The following ASPRV1 variants were observed in gnomAD, a reference collection of about 807,000 sequenced individuals.
ASPRV1 encodes the protein retroviral-like aspartic protease 1.
A neutral mutation model predicts 11.0 loss-of-function variants in ASPRV1; 7 were observed. The observed-to-expected ratio is 0.64, with a 90% CI of 0.36 to 1.20. The LOEUF is 1.20. ASPRV1 is among the 50% of genes most tolerant of loss of function. The pLI is 0.02. For synonymous variants in ASPRV1, 136 were observed against 138.4 expected, an observed-to-expected ratio of 0.98 and a Z score of 0.12; for missense variants, 299 against 320.0, an observed-to-expected ratio of 0.93 and a Z score of 0.50.
the ASPRV1 span, among the ~76,000 whole-genome samples, chr2:70,029,659 A>T: frequency 6.6e-6 from 1 of 152,128 alleles, no homozygotes; most frequent in African/African-American, 2.4e-5. Flanking sequence ...AAAACAAAAT[A>T]GGAGTCCTGG....
chr2:69,985,374 G>A, the ASPRV1 span, among the ~76,000 whole-genome samples: 1 of 152,086 alleles, frequency 6.6e-6, no homozygotes, highest in Non-Finnish European at 1.5e-5. Context: ...GTTTCATGAC[G>A]CACATTCTTC....
At chr2:70,041,848 A>G in the ASPRV1 span, among the ~76,000 whole-genome samples, 1 of 152,206 alleles carries the variant, frequency 6.6e-6, no homozygotes, top group African/African-American at 2.4e-5. Context: ...AAGTGGAAGA[A>G]AGAATGCAGA....
the ASPRV1 span, among the ~76,000 whole-genome samples, chr2:70,040,205 A>G: frequency 1.3e-5 from 2 of 152,204 alleles, no homozygotes; most frequent in East Asian, 1.9e-4. Context: ...TAGAGACAGT[A>G]TATAGAGGGA....
the ASPRV1 span, among the ~76,000 whole-genome samples, chr2:70,073,899 C>T: frequency 1.3e-5 from 2 of 151,806 alleles, no homozygotes; most frequent in Non-Finnish European, 1.5e-5. Context: ...TTTGGGAGGC[C>T]GAAATGGGCA....
the ASPRV1 span, among the ~76,000 whole-genome samples, chr2:70,068,167 G>C: frequency 6.6e-6 from 1 of 152,222 alleles, no homozygotes; most frequent in Non-Finnish European, 1.5e-5. Flanking sequence ...ACACACAGGG[G>C]AAATGGGTAT....
chr2:69,992,585 C>T, the ASPRV1 span, among the ~76,000 whole-genome samples: 1 of 152,308 alleles, frequency 6.6e-6, no homozygotes, highest in Non-Finnish European at 1.5e-5. Flanking sequence ...TTTTCCTCTA[C>T]CCCTCACATT....
chr2:70,055,888 G>A, the ASPRV1 span: 4 of 151,860 alleles, frequency 2.6e-5, no homozygotes, highest in African/African-American at 7.3e-5. Context: ...GACCAGCCTG[G>A]GCAACATAGC....
chr2:70,067,197 A>T, the ASPRV1 span, among the ~76,000 whole-genome samples: 1 of 152,226 alleles, frequency 6.6e-6, no homozygotes, highest in Admixed American at 6.5e-5. Context: ...TAGGGAGGAC[A>T]AGTCCTAGTG....
chr2:69,943,827 T>G, the ASPRV1 span, among the ~76,000 whole-genome samples: 1 of 152,196 alleles, frequency 6.6e-6, no homozygotes, highest in Middle Eastern at 3.2e-3. Flanking sequence ...TTCCTGTTTT[T>G]GTTACACCAG....
At chr2:69,993,409 C>T in the ASPRV1 span, 1 of 152,276 alleles carries the variant, frequency 6.6e-6, no homozygotes, top group East Asian at 1.9e-4. Context: ...TATTCACAAA[C>T]TCATGTGGGT....
the ASPRV1 span, chr2:70,002,946 G>C: frequency 6.6e-6 from 1 of 152,194 alleles, no homozygotes; most frequent in Admixed American, 6.5e-5. Flanking sequence ...GAGGCCAAAA[G>C]AACCCTAGAG....
At chr2:69,937,344 T>C in the ASPRV1 span, 1 of 1,614,044 alleles carries the variant, frequency 6.2e-7, no homozygotes, top group Non-Finnish European at 8.5e-7. Flanking sequence ...AGGATCCGGA[T>C]GGACAGCATC....
the ASPRV1 span, among the ~76,000 whole-genome samples, chr2:70,033,260 GCTTT>G: frequency 7.0e-6 from 1 of 142,668 alleles, no homozygotes; most frequent in Admixed American, 7.2e-5. Flanking sequence ...CCTTTTCCAT[GCTTT>G]ATCAAACAGA....
chr2:70,025,142 A>G, the ASPRV1 span, among the ~76,000 whole-genome samples: 1 of 152,252 alleles, frequency 6.6e-6, no homozygotes, highest in Non-Finnish European at 1.5e-5. Context: ...CTCAACAGAC[A>G]CTAGACAGAC....
chr2:70,034,361 G>T, the ASPRV1 span, among the ~76,000 whole-genome samples: 1 of 151,514 alleles, frequency 6.6e-6, no homozygotes, highest in African/African-American at 2.4e-5. Context: ...CTGAGGTCAG[G>T]AGTTCAAGAC....
the ASPRV1 span, among the ~76,000 whole-genome samples, chr2:70,048,354 G>GTGAGCCGAGATCGCGGGTTT: frequency 4.6e-5 from 7 of 151,336 alleles, no homozygotes; most frequent in African/African-American, 1.7e-4. Context: ...AGCAAAGGTT[G>GTGAGCCGAGATCGCGGGTTT]CAGTGAGCCG....
chr2:70,005,331 C>A, the ASPRV1 span, among the ~76,000 whole-genome samples: 33,668 of 152,024 alleles, frequency 0.22, 6,487 homozygotes, highest in African/African-American at 0.48. Flanking sequence ...AAGTGCTGGG[C>A]TTATAGGAGT....
chr2:69,933,505 A>G, the ASPRV1 span, among the ~76,000 whole-genome samples: 10 of 38,734 alleles, frequency 2.6e-4, no homozygotes, highest in African/African-American at 1.8e-3. Flanking sequence ...AAAGACTTAC[A>G]AAATAGTAAA....
chr2:70,075,517 G>T, the ASPRV1 span, among the ~76,000 whole-genome samples: 52 of 152,230 alleles, frequency 3.4e-4, no homozygotes, highest in African/African-American at 1.3e-3. Flanking sequence ...AGGATTAAAT[G>T]AGATAATCCA....
Sources: allele counts gnomAD v4.1 joint callset (sites outside exome capture counted in the v4.1 genomes callset), GRCh38; gene constraint gnomAD v4.1.1; transcripts MANE v1.5; gene names NCBI Gene and HGNC (gene_info 2026-07-23, HGNC 2026-07-21).